The following RBMS1 variants were observed in gnomAD, a reference collection of about 807,000 sequenced individuals.
The protein encoded by RBMS1 is RNA-binding motif, single-stranded-interacting protein 1.
In RBMS1, 17 loss-of-function variants were observed where a neutral mutation model predicts 62.3. The ratio of observed to expected loss-of-function variants is 0.27; its 90% confidence interval spans 0.19 to 0.41. The LOEUF (loss-of-function observed/expected upper bound fraction) is 0.41, where lower values mean the gene tolerates loss of function less well. Ranked by LOEUF, RBMS1 falls within the 10% of genes least tolerant of loss-of-function variation. The pLI, the probability that RBMS1 is intolerant of heterozygous loss-of-function variation, is 1.00. For synonymous variants in RBMS1, 172 were observed against 170.0 expected, an observed-to-expected ratio of 1.01 and a Z score of -0.09; for missense variants, 334 against 504.5, an observed-to-expected ratio of 0.66 and a Z score of 3.24.
At chr2:160,342,486 T>C (rs909173017) in intron 2 of RBMS1, among the ~76,000 whole-genome samples, 1 of 152,018 alleles carries the variant, frequency 6.6e-6, no homozygotes, top group African/African-American at 2.4e-5. Context: ...GTCAAAGTCC[T>C]TAAGAGGCAC....
chr2:160,362,521 A>G (rs6751676), intron 2 of RBMS1, among the ~76,000 whole-genome samples: 27,329 of 152,180 alleles, frequency 0.18, 3,274 homozygotes, highest in Admixed American at 0.36. Flanking sequence ...GGGAATGACC[A>G]GCCAGTGGAG....
At chr2:160,291,043 T>C (rs1454256083) in intron 6 of RBMS1, among the ~76,000 whole-genome samples, 2 of 152,188 alleles carry the variant, frequency 1.3e-5, no homozygotes, top group African/African-American at 4.8e-5. Context: ...AAAAATCACT[T>C]CTAGAATGCC....
chr2:160,357,136 C>T (rs753547607), intron 2 of RBMS1, among the ~76,000 whole-genome samples: 24 of 152,038 alleles, frequency 1.6e-4, no homozygotes, highest in Non-Finnish European at 2.8e-4. Flanking sequence ...CAAGCTGCTG[C>T]TACAGAAATC....
In RBMS1 at chr2:160,318,154, G is replaced by C. The variant is rs780157823; in HGVS notation, c.310+15C>G. 2.1e-5 allele frequency: 33 copies of C among 1,550,282 alleles called. No individual in the cohort carries two copies. The Admixed American group carries it at 3.0e-4, about 14-fold the overall frequency. On this transcript the variant is annotated intron_variant, in intron 3 of 13. Coordinates refer to ENST00000348849, the MANE Select transcript of RBMS1 (RefSeq NM_016836.4). Reference sequence around the variant, plus strand: ...AAAGCTATCATTTACCAAATAACCAGCCAAGAAAACATACCTTTGCATTTG... The same window carrying C: ...AAAGCTATCATTTACCAAATAACCACCCAAGAAAACATACCTTTGCATTTG...
At chr2:160,348,492 A>T (rs1692309360) in intron 2 of RBMS1, among the ~76,000 whole-genome samples, 1 of 152,158 alleles carries the variant, frequency 6.6e-6, no homozygotes, top group African/African-American at 2.4e-5. Context: ...AAAAATCAAC[A>T]GCAAAGAACA....
rs374618780 is a variant in RBMS1 at position 160,291,429 on chromosome 2, C to G, written c.641-4345G>C. ...TCAACACTCCTCAACTCACAAAATGCAAGGAACTAGCTGCTGCTTTTAAAA... is the reference window on the plus strand; with the variant it reads ...TCAACACTCCTCAACTCACAAAATGGAAGGAACTAGCTGCTGCTTTTAAAA... On this transcript the variant is annotated intron_variant, in intron 6 of 13. Coordinates refer to ENST00000348849, the MANE Select transcript of RBMS1 (RefSeq NM_016836.4). Among the ~76,000 whole-genome samples the G allele has an allele frequency of 6.6e-5, 10 of 152,334 alleles. No homozygotes were observed. The East Asian group carries it at 7.7e-4, about 12-fold the overall frequency.
intron 1 of RBMS1, among the ~76,000 whole-genome samples, chr2:160,409,636 C>T (rs558150799): frequency 2.0e-5 from 3 of 152,262 alleles, no homozygotes; most frequent in African/African-American, 7.2e-5. Flanking sequence ...TCAGACCTGT[C>T]GTCTGTGCAT....
At chr2:160,457,874 G>A (rs753459037) in intron 1 of RBMS1, among the ~76,000 whole-genome samples, 11 of 152,102 alleles carry the variant, frequency 7.2e-5, no homozygotes, top group Non-Finnish European at 1.3e-4. Flanking sequence ...AGATTATTGC[G>A]TGAGGGCAAA....
At chr2:160,386,874 A>T (rs1473951061) in intron 1 of RBMS1, among the ~76,000 whole-genome samples, 4 of 152,148 alleles carry the variant, frequency 2.6e-5, no homozygotes, top group Non-Finnish European at 5.9e-5. Flanking sequence ...TCATACTAGA[A>T]TTCCCTCAGT....
At chr2:160,295,836 A>G (rs1232935168) in intron 6 of RBMS1, among the ~76,000 whole-genome samples, 1 of 152,250 alleles carries the variant, frequency 6.6e-6, no homozygotes, top group African/African-American at 2.4e-5. Flanking sequence ...TTCCTTCAAC[A>G]GGGAAGATCT....
At chr2:160,454,046 A>G (rs1264398673) in intron 1 of RBMS1, among the ~76,000 whole-genome samples, 1 of 152,068 alleles carries the variant, frequency 6.6e-6, no homozygotes, top group Non-Finnish European at 1.5e-5. Context: ...AATGACCTCT[A>G]TGTTTATCTC....
At chr2:160,369,861 G>A (rs934315221) in intron 1 of RBMS1, among the ~76,000 whole-genome samples, 5 of 152,100 alleles carry the variant, frequency 3.3e-5, no homozygotes, top group Non-Finnish European at 5.9e-5. Context: ...GAAACATTTG[G>A]ATGTATGACT....
chr2:160,309,618 T>C (rs903141058), intron 4 of RBMS1, among the ~76,000 whole-genome samples: 19 of 152,124 alleles, frequency 1.2e-4, no homozygotes, highest in African/African-American at 3.1e-4. Context: ...CAAGGAGCTA[T>C]AGGAGAGAAA....
chr2:160,326,369 C>T (rs1009275091), intron 2 of RBMS1, among the ~76,000 whole-genome samples: 5 of 152,008 alleles, frequency 3.3e-5, no homozygotes, highest in Non-Finnish European at 7.3e-5. Context: ...AAATATGAGA[C>T]CCTGTATGAT....
chr2:160,404,772 C>T (rs1695609532), intron 1 of RBMS1, among the ~76,000 whole-genome samples: 1 of 152,174 alleles, frequency 6.6e-6, no homozygotes, highest in Non-Finnish European at 1.5e-5. Flanking sequence ...CTGTATCATC[C>T]ATTTGCTTCA....
intron 2 of RBMS1, among the ~76,000 whole-genome samples, chr2:160,359,343 A>G (rs1692995277): frequency 6.6e-6 from 1 of 152,138 alleles, no homozygotes; most frequent in African/African-American, 2.4e-5. Flanking sequence ...TGTGTAGAAT[A>G]CATGTGAAGC....
intron 1 of RBMS1, among the ~76,000 whole-genome samples, chr2:160,465,621 A>G (rs1203391825): frequency 3.9e-5 from 6 of 152,176 alleles, no homozygotes; most frequent in African/African-American, 1.4e-4. Flanking sequence ...TCATTAAAGC[A>G]GGCCTGGCAC....
intron 2 of RBMS1, among the ~76,000 whole-genome samples, chr2:160,336,195 T>C (rs1691559004): frequency 6.6e-6 from 1 of 152,202 alleles, no homozygotes. Flanking sequence ...AAATTGGTTA[T>C]ACCCAGAGTG....
At chr2:160,463,033 G>A (rs1280795959) in intron 1 of RBMS1, among the ~76,000 whole-genome samples, 1 of 152,030 alleles carries the variant, frequency 6.6e-6, no homozygotes, top group Non-Finnish European at 1.5e-5. Flanking sequence ...TCATAGCAAG[G>A]AAATGGGCTC....
Sources: allele counts gnomAD v4.1 joint callset (sites outside exome capture counted in the v4.1 genomes callset), GRCh38; gene constraint gnomAD v4.1.1; transcripts MANE v1.5; gene names NCBI Gene and HGNC (gene_info 2026-07-23, HGNC 2026-07-21).